OGDH: variants seen among roughly 807,000 people sequenced by gnomAD.
OGDH encodes the protein oxoglutarate dehydrogenase, also known as 2-oxoglutarate dehydrogenase complex component E1.
OGDH carries 38 observed loss-of-function variants against 116.6 expected under a neutral mutation model. That is an observed-to-expected ratio of 0.33 (90% CI 0.25 to 0.43). OGDH has a LOEUF of 0.43. OGDH is among the 20% of genes least tolerant of loss of function. OGDH has a pLI of 1.00. For synonymous variants in OGDH, 488 were observed against 533.3 expected (o/e 0.92, Z 1.17); for missense variants, 825 against 1,357.2 (o/e 0.61, Z 6.16).
intron 2 of OGDH, among the ~76,000 whole-genome samples, chr7:44,642,980 G>T (rs1786016438): frequency 6.6e-6 from 1 of 151,616 alleles, no homozygotes; most frequent in African/African-American, 2.4e-5. Context: ...TATTTGGCCT[G>T]GTCCTGGTGA....
chr7:44,682,313 A>G (rs1375052784), intron 10 of OGDH, among the ~76,000 whole-genome samples: 1 of 151,338 alleles, frequency 6.6e-6, no homozygotes, highest in African/African-American at 2.4e-5. Context: ...TGAACCCGAG[A>G]GGTGAAGGTT....
chr7:44,707,511 A>G lies in OGDH; in HGVS notation c.2797-71A>G, dbSNP rs1387954071. 1.2e-6 allele frequency: 2 copies of G among 1,601,006 alleles called. No homozygotes were observed. The highest frequency in any genetic ancestry group is 2.7e-5 in the African/African-American group (2 of 74,732). ...CCTGACCTTCCCTGCTCGGAACACC[A>G]GTTTCCCTTTGCTGGATCTTGCCTG... On this transcript the variant is annotated intron_variant, in intron 21 of 22. Coordinates refer to ENST00000222673, the MANE Select transcript of OGDH (RefSeq NM_002541.4). The surrounding 1 kb of genome is among the most constrained non-coding windows in gnomAD (Gnocchi z 5.2).
chr7:44,689,951 C>T (rs1407199564), intron 10 of OGDH, among the ~76,000 whole-genome samples: 1 of 152,092 alleles, frequency 6.6e-6, no homozygotes, highest in Non-Finnish European at 1.5e-5. Context: ...TTGCCTAATC[C>T]GAGGTCACAA....
rs765565126 is a variant in OGDH at position 44,645,338 on chromosome 7, T to G, written c.234T>G (p.Ile78Met). 1.3e-5 allele frequency: 21 copies of G among 1,614,010 alleles called. No homozygotes were observed. The South Asian group carries it at 1.8e-4, about 14-fold the overall frequency. ...NPKSVHKSWD[I>M]FFRNTNAGAP... ...TTCTTTGTCTTTAGTCATGGGACAT[T>G]TTTTTTCGCAACACGAATGCCGGAG... Residue 78 changes from isoleucine to methionine, a missense_variant, in exon 3 of 23, where the codon ATT becomes ATG. Around this residue, in one of 7 missense-constraint regions of OGDH, gnomAD observed 126 missense variants for 130.4 expected, o/e 0.97. Transcript: ENST00000222673.
At position 44,707,184 on chromosome 7, in the gene OGDH, T is replaced by TA. The variant is rs753449434; in HGVS notation, c.2633-40dup. 1 of 1,608,278 alleles carries TA rather than the reference T, an allele frequency of 6.2e-7. No homozygotes were observed. Among genetic ancestry groups the TA allele is most frequent in the Admixed American group, 1.7e-5 (1 of 59,590 alleles). On this transcript the variant is annotated intron_variant, in intron 20 of 22. Transcript: ENST00000222673. The surrounding 1 kb of genome is among the most constrained non-coding windows in gnomAD (Gnocchi z 5.2). The stretch of plus-strand genomic sequence containing the variant: ...GGGCCCAGGAGAGCTCTCAGCCACA[T>TA]ACCTGAGAGAACCAGCCTAGCCATG...
intron 6 of OGDH, among the ~76,000 whole-genome samples, 184 bp downstream of exon 6, chr7:44,674,125 A>C (rs559630519): frequency 1.3e-5 from 2 of 152,198 alleles, no homozygotes; most frequent in Middle Eastern, 6.8e-3. Flanking sequence ...CTTCAGAGCA[A>C]CCTCCGCCTC....
intron 1 of OGDH, among the ~76,000 whole-genome samples, chr7:44,608,592 G>GCCT (rs1784445757): frequency 6.6e-6 from 1 of 151,684 alleles, no homozygotes; most frequent in Non-Finnish European, 1.5e-5. Flanking sequence ...TCAGCTACAG[G>GCCT]CTGAGCTCCT....
chr7:44,626,674 G>A (rs1340984009), intron 2 of OGDH, among the ~76,000 whole-genome samples: 1 of 152,226 alleles, frequency 6.6e-6, no homozygotes, highest in Admixed American at 6.5e-5. Flanking sequence ...CACTGGGCCT[G>A]TTGCCATCAT....
At chr7:44,702,013 G>A (rs1788851273) in intron 20 of OGDH, among the ~76,000 whole-genome samples, 1 of 151,492 alleles carries the variant, frequency 6.6e-6, no homozygotes, top group African/African-American at 2.4e-5. Flanking sequence ...GGACGTTGCA[G>A]TGAGCTGCTA....
chr7:44,656,643 T>C (rs1786703684), intron 4 of OGDH, among the ~76,000 whole-genome samples: 1 of 152,224 alleles, frequency 6.6e-6, no homozygotes, highest in African/African-American at 2.4e-5. Context: ...GCTGCCATCT[T>C]CAGCATAATT....
At chr7:44,638,705 T>G (rs1785785511) in intron 2 of OGDH, among the ~76,000 whole-genome samples, 2 of 152,262 alleles carry the variant, frequency 1.3e-5, no homozygotes, top group Non-Finnish European at 2.9e-5. Context: ...TGAGGTCGCC[T>G]GACTCAGCTC....
At chr7:44,686,724 T>C (rs988284965) in intron 10 of OGDH, among the ~76,000 whole-genome samples, 13 of 150,012 alleles carry the variant, frequency 8.7e-5, no homozygotes, top group Non-Finnish European at 1.8e-4. Flanking sequence ...AGTCTTGCTC[T>C]GTCGCCCAGG....
chr7:44,652,801 A>G (rs1004854007), intron 4 of OGDH, among the ~76,000 whole-genome samples: 1 of 152,162 alleles, frequency 6.6e-6, no homozygotes, highest in Non-Finnish European at 1.5e-5. Flanking sequence ...ACCTCATGTT[A>G]TAATATCCCT....
chr7:44,689,252 G>A (rs905420111), intron 10 of OGDH, among the ~76,000 whole-genome samples: 11 of 118,892 alleles, frequency 9.3e-5, no homozygotes, highest in South Asian at 2.8e-4. Flanking sequence ...GTCTTACCCC[G>A]TCACCCACGC....
At chr7:44,609,370 C>T (rs1784478137) in intron 1 of OGDH, among the ~76,000 whole-genome samples, 5 of 148,478 alleles carry the variant, frequency 3.4e-5, no homozygotes, top group Admixed American at 2.0e-4. Flanking sequence ...ATTAGCCAGG[C>T]GCAGTGGTGT....
chr7:44,619,192 A>G (rs1394000942), intron 1 of OGDH, among the ~76,000 whole-genome samples: 1 of 152,212 alleles, frequency 6.6e-6, no homozygotes, highest in Non-Finnish European at 1.5e-5. Flanking sequence ...CTTTGAAAAA[A>G]ACAGTAGATG....
intron 10 of OGDH, among the ~76,000 whole-genome samples, chr7:44,683,112 G>T (rs975457702): frequency 6.6e-6 from 1 of 152,094 alleles, no homozygotes; most frequent in African/African-American, 2.4e-5. Flanking sequence ...TCACGCCACT[G>T]CACTCCAGCC....
intron 2 of OGDH, among the ~76,000 whole-genome samples, chr7:44,638,805 A>T (rs950013112): frequency 6.6e-6 from 1 of 152,174 alleles, no homozygotes; most frequent in African/African-American, 2.4e-5. Flanking sequence ...CTCCATGGGA[A>T]TTAGATGGGA....
chr7:44,631,478 T>A (rs771086930), intron 2 of OGDH, among the ~76,000 whole-genome samples: 27 of 152,240 alleles, frequency 1.8e-4, no homozygotes, highest in Non-Finnish European at 3.7e-4. Context: ...ATCTTTAACT[T>A]CACATGTTAA....
Sources: gnomAD v4.1 joint callset for allele counts (sites outside exome capture counted in the v4.1 genomes callset) on GRCh38, gnomAD v4.1.1 for gene constraint, gnomAD v4.1.1 regional missense constraint, Gnocchi (gnomAD v3.1) non-coding constraint, MANE v1.5 for transcripts, NCBI Gene and HGNC (gene_info 2026-07-23, HGNC 2026-07-21) for gene names.